SEMA3D: variants seen among roughly 807,000 people sequenced by gnomAD.
SEMA3D encodes the protein semaphorin 3D.
A neutral mutation model predicts 100.1 loss-of-function variants in SEMA3D; 84 were observed. The observed-to-expected ratio is 0.84, with a 90% CI of 0.70 to 1.01. The LOEUF (loss-of-function observed/expected upper bound fraction) is 1.01, where lower values mean the gene tolerates loss of function less well. Among genes scored for constraint, SEMA3D ranks in the 50% least tolerant of loss-of-function variants. The pLI is 0.00. For synonymous variants in SEMA3D, 312 were observed against 320.7 expected (o/e 0.97, Z 0.29); for missense variants, 875 against 934.1 (o/e 0.94, Z 0.82).
chr7:85,177,844 G>A lies in SEMA3D; in HGVS notation c.-173+8834C>T, dbSNP rs10238451. Among the ~76,000 whole-genome samples, 705 of 152,220 alleles carry A rather than the reference G, an allele frequency of 4.6e-3. 2 individuals are homozygous for A. Among genetic ancestry groups the A allele is most frequent in the African/African-American group, 0.016 (678 of 41,544 alleles). ...GAAAACATAAGCATTAAGTTGAAAG[G>A]CACTGATATGGTCTGGTTCTGTGTT... is the stretch of plus-strand genomic sequence containing the variant. On this transcript the variant is annotated intron_variant, in intron 1 of 18. Coordinates refer to ENST00000284136, the MANE Select transcript of SEMA3D (RefSeq NM_001384900.1).
At chr7:85,072,541 T>C (rs1338483829) in intron 6 of SEMA3D, among the ~76,000 whole-genome samples, 18 of 152,288 alleles carry the variant, frequency 1.2e-4, no homozygotes, top group South Asian at 2.1e-4. Context: ...ATGGAGCCCA[T>C]AGAAAACAAA....
At chr7:85,035,761 G>C (rs1436415496) in intron 12 of SEMA3D, among the ~76,000 whole-genome samples, 1 of 151,608 alleles carries the variant, frequency 6.6e-6, no homozygotes, top group Admixed American at 6.6e-5. Flanking sequence ...ATTAAAAAGA[G>C]AGAAAATTAA....
chr7:85,174,824 A>G (rs1791182928), intron 1 of SEMA3D, among the ~76,000 whole-genome samples: 1 of 152,128 alleles, frequency 6.6e-6, no homozygotes, highest in Admixed American at 6.6e-5. Context: ...TTGAAAGGGA[A>G]AATCGTAGCC....
chr7:85,222,811 G>C, the SEMA3D span, among the ~76,000 whole-genome samples: 1 of 152,074 alleles, frequency 6.6e-6, no homozygotes, highest in Non-Finnish European at 1.5e-5. Flanking sequence ...CTATTTAGTG[G>C]AGATGAGGAA....
intron 2 of SEMA3D, among the ~76,000 whole-genome samples, chr7:85,127,237 G>A (rs778493890): frequency 6.6e-6 from 1 of 152,118 alleles, no homozygotes; most frequent in Non-Finnish European, 1.5e-5. Context: ...GCTGAGCTAA[G>A]CTATTTGTCA....
intron 3 of SEMA3D, among the ~76,000 whole-genome samples, chr7:85,110,579 GCATTTATTATGCAAAATAAGC>G (rs1487908191): frequency 6.6e-6 from 1 of 151,770 alleles, no homozygotes. Context: ...TGAACAAGAT[GCATTTATTATGCAAAATAAGC>G]CACTTTTATT....
In SEMA3D at chr7:84,997,003, G is replaced by T. The variant is rs1789519153; in HGVS notation, c.*2437C>A. ...CATATAAATATGTGTACTCTATGTTGTTTTTTATTGTGTGAAATTTTATTT... is the reference window on the plus strand; with the variant it reads ...CATATAAATATGTGTACTCTATGTTTTTTTTTATTGTGTGAAATTTTATTT... On this transcript the variant is annotated 3_prime_UTR_variant, in exon 19 of 19. Coordinates refer to ENST00000284136, the MANE Select transcript of SEMA3D (RefSeq NM_001384900.1). 6.6e-6 allele frequency: 1 copy of T among 151,356 alleles called. No individual in the cohort carries two copies. Among genetic ancestry groups the T allele is most frequent in the Non-Finnish European group, 1.5e-5 (1 of 67,728 alleles). 9.4% of individuals were successfully genotyped at this position (151,356 alleles called of 1,614,324 possible). A position where few individuals can be genotyped will look rare whatever the true frequency, so the allele number is the denominator to read the frequency against.
chr7:85,178,348 T>A (rs1791298596), intron 1 of SEMA3D, among the ~76,000 whole-genome samples: 1 of 152,124 alleles, frequency 6.6e-6, no homozygotes, highest in Admixed American at 6.5e-5. Flanking sequence ...GACAGGAAGA[T>A]GTGAGAAAGT....
chr7:85,124,950 C>T (rs911312505), intron 2 of SEMA3D, among the ~76,000 whole-genome samples: 2 of 152,086 alleles, frequency 1.3e-5, no homozygotes, highest in Non-Finnish European at 2.9e-5. Flanking sequence ...CTTCTCCAAT[C>T]GCATTATCCT....
chr7:85,046,351 G>C (rs1051471023), intron 9 of SEMA3D, among the ~76,000 whole-genome samples: 2 of 151,844 alleles, frequency 1.3e-5, no homozygotes, highest in African/African-American at 4.8e-5. Context: ...ATCTAGATTT[G>C]TAGGACAGAA....
chr7:85,015,150 C>T lies in SEMA3D; in HGVS notation c.1612G>A (p.Gly538Arg), dbSNP rs763961839. The change falls in exon 16 of 19, where the codon GGG becomes AGG. Residue 538 changes from glycine (G) to arginine (R), a missense_variant. Coordinates refer to ENST00000284136, the MANE Select transcript of SEMA3D (RefSeq NM_001384900.1). Reference sequence around the variant, plus strand: ...AGACAACAGTCTGCGCAAGCTTTCCCATAAGTGTCGCATCTGTGCAAGGAG... The same window carrying T: ...AGACAACAGTCTGCGCAAGCTTTCCTATAAGTGTCGCATCTGTGCAAGGAG... ...QLSLHRCDTY[G>R]KACADCCLAR... 6.2e-7 allele frequency: 1 copy of T among 1,611,774 alleles called. No individual in the cohort carries two copies. The highest frequency in any genetic ancestry group is 1.1e-5 in the South Asian group (1 of 91,016).
At chr7:85,153,088 A>C (rs2116495840) in intron 2 of SEMA3D, among the ~76,000 whole-genome samples, 1 of 152,266 alleles carries the variant, frequency 6.6e-6, no homozygotes, top group Middle Eastern at 3.4e-3. Context: ...TCATATGCCA[A>C]CGTGTGCAAA....
At chr7:85,104,232 C>A (rs1788836685) in intron 3 of SEMA3D, among the ~76,000 whole-genome samples, 1 of 152,024 alleles carries the variant, frequency 6.6e-6, no homozygotes, top group African/African-American at 2.4e-5. Flanking sequence ...ACACTCCTGT[C>A]CTCATGGAAC....
chr7:85,187,925 C>G (rs1475686839), upstream of SEMA3D, among the ~76,000 whole-genome samples: 2 of 152,110 alleles, frequency 1.3e-5, no homozygotes, highest in Non-Finnish European at 2.9e-5. Context: ...ATGGGATATC[C>G]AGGTTTATAG....
At chr7:85,087,110 A>C (rs142680784) in intron 4 of SEMA3D, among the ~76,000 whole-genome samples, 1 of 152,336 alleles carries the variant, frequency 6.6e-6, no homozygotes, top group East Asian at 1.9e-4. Flanking sequence ...AAGTTGCATG[A>C]AACAGCACAC....
chr7:85,048,540 G>A (rs1461349453), intron 9 of SEMA3D, among the ~76,000 whole-genome samples: 2 of 151,744 alleles, frequency 1.3e-5, no homozygotes, highest in African/African-American at 4.8e-5. Flanking sequence ...TCTTAAATGA[G>A]TATGTTTTGA....
chr7:85,204,292 C>T, the SEMA3D span, among the ~76,000 whole-genome samples: 1 of 149,202 alleles, frequency 6.7e-6, no homozygotes, highest in Admixed American at 6.7e-5. Context: ...GAGCATTACA[C>T]CAAAGAACTT....
chr7:85,112,596 G>A (rs1789123877), intron 3 of SEMA3D, among the ~76,000 whole-genome samples: 1 of 152,154 alleles, frequency 6.6e-6, no homozygotes, highest in African/African-American at 2.4e-5. Context: ...AAAGCACACA[G>A]CTTGGTTGTG....
rs374821120 is a variant in SEMA3D at position 84,997,778 on chromosome 7, C to A, written c.*1662G>T. 6.6e-6 allele frequency: 1 copy of A among 152,368 alleles called. No individual in the cohort carries two copies. The highest frequency in any genetic ancestry group is 2.4e-5 in the African/African-American group (1 of 41,400). The allele number at this position is 152,368 out of a possible 1,614,324, so 9.4% of individuals were successfully genotyped here. On this transcript the variant is annotated 3_prime_UTR_variant, in exon 19 of 19. Transcript: ENST00000284136. The stretch of plus-strand genomic sequence containing the variant: ...ATGTCTGTTATTTTCTGAAAAGCTG[C>A]CTTCCATGTGAGGAAGTGACTAATT...
Sources: allele counts gnomAD v4.1 joint callset (sites outside exome capture counted in the v4.1 genomes callset), GRCh38; gene constraint gnomAD v4.1.1; transcripts MANE v1.5; gene names NCBI Gene and HGNC (gene_info 2026-07-23, HGNC 2026-07-21).